ARHGAP15: variants seen among roughly 807,000 people sequenced by gnomAD.
ARHGAP15 encodes rho GTPase-activating protein 15.
A neutral mutation model predicts 63.7 loss-of-function variants in ARHGAP15; 51 were observed. The ratio of observed to expected loss-of-function variants is 0.80; its 90% CI spans 0.64 to 1.01. The LOEUF is 1.01. Ranked by LOEUF, ARHGAP15 falls within the 50% of genes least tolerant of loss-of-function variation. The pLI is 0.00. For synonymous variants in ARHGAP15, 191 were observed against 193.8 expected, an observed-to-expected ratio of 0.99 and a Z score of 0.12; for missense variants, 560 against 564.6, an observed-to-expected ratio of 0.99 and a Z score of 0.08.
intron 10 of ARHGAP15, among the ~76,000 whole-genome samples, chr2:143,527,290 T>C (rs1298197241): frequency 6.6e-6 from 1 of 152,072 alleles, no homozygotes; most frequent in Non-Finnish European, 1.5e-5. Context: ...ATTTAGAACT[T>C]TTTACCCATT....
chr2:143,272,136 G>A (rs1397255001), intron 6 of ARHGAP15, among the ~76,000 whole-genome samples: 2 of 152,180 alleles, frequency 1.3e-5, no homozygotes, highest in Non-Finnish European at 1.5e-5. Context: ...GGCAGGTGAA[G>A]AAGATGGGAT....
intron 12 of ARHGAP15, among the ~76,000 whole-genome samples, chr2:143,648,409 T>C (rs1401145675): frequency 2.6e-5 from 4 of 152,028 alleles, no homozygotes; most frequent in Admixed American, 2.6e-4. Flanking sequence ...TTTGAACATA[T>C]ATTATTTTTC....
At chr2:143,292,601 A>G (rs1362094444) in intron 6 of ARHGAP15, among the ~76,000 whole-genome samples, 1 of 152,048 alleles carries the variant, frequency 6.6e-6, no homozygotes, top group Non-Finnish European at 1.5e-5. Context: ...TAAATTTTTA[A>G]TAGAAAAGAC....
At chr2:143,276,281 G>T (rs573511808) in intron 6 of ARHGAP15, among the ~76,000 whole-genome samples, 1 of 152,114 alleles carries the variant, frequency 6.6e-6, no homozygotes, top group Non-Finnish European at 1.5e-5. Context: ...GATCTTTCAC[G>T]TGTATCATTT....
At chr2:143,677,702 T>C (rs1371997215) in intron 12 of ARHGAP15, among the ~76,000 whole-genome samples, 3 of 152,238 alleles carry the variant, frequency 2.0e-5, no homozygotes, top group Admixed American at 6.5e-5. Context: ...AGGAATTGAA[T>C]TCATTTGTGC....
intron 13 of ARHGAP15, among the ~76,000 whole-genome samples, chr2:143,765,142 T>C (rs925734099): frequency 2.0e-5 from 3 of 151,000 alleles, no homozygotes; most frequent in African/African-American, 7.3e-5. Flanking sequence ...TGTGTGTGTG[T>C]GTGTGGTAAA....
intron 6 of ARHGAP15, among the ~76,000 whole-genome samples, chr2:143,404,148 G>C (rs1422311411): frequency 1.3e-5 from 2 of 151,800 alleles, no homozygotes; most frequent in Non-Finnish European, 2.9e-5. Flanking sequence ...GCAAATTTTG[G>C]CATCAGTAGG....
chr2:143,274,192 C>T (rs370185955), intron 6 of ARHGAP15, among the ~76,000 whole-genome samples: 5 of 152,054 alleles, frequency 3.3e-5, no homozygotes, highest in Admixed American at 6.5e-5. Context: ...GGAAAAGTGG[C>T]AAATGTCTCT....
In ARHGAP15 at chr2:143,724,262, C is replaced by T. The variant is rs144511272; in HGVS notation, c.1244+20738C>T. On this transcript the variant is annotated intron_variant, in intron 13 of 13. Coordinates refer to ENST00000295095, the MANE Select transcript of ARHGAP15 (RefSeq NM_018460.4). ...TGCATCCTAGGTTTATGACTCTAAC[C>T]GTGTCACCTTGGATAACAGCTTCTC... is the stretch of plus-strand genomic sequence containing the variant. Among the ~76,000 whole-genome samples the T allele has an allele frequency of 4.6e-5, 7 of 152,252 alleles. No homozygotes were observed. The East Asian group carries it at 1.4e-3, about 29-fold the overall frequency.
chr2:143,162,399 C>T (rs1027686963), intron 2 of ARHGAP15: 2 of 152,006 alleles, frequency 1.3e-5, no homozygotes, highest in East Asian at 3.9e-4. Context: ...GAGACGAAGG[C>T]ACACTGTTCC....
intron 6 of ARHGAP15, among the ~76,000 whole-genome samples, chr2:143,302,654 G>T (rs1223349918): frequency 6.6e-6 from 1 of 151,916 alleles, no homozygotes; most frequent in Non-Finnish European, 1.5e-5. Flanking sequence ...ATTCTCCCAG[G>T]TAGTGAACTA....
At chr2:143,403,373 A>G (rs1305275709) in intron 6 of ARHGAP15, among the ~76,000 whole-genome samples, 1 of 151,856 alleles carries the variant, frequency 6.6e-6, no homozygotes, top group Non-Finnish European at 1.5e-5. Context: ...CACATGCCTC[A>G]CTTTCATGGG....
intron 12 of ARHGAP15, among the ~76,000 whole-genome samples, chr2:143,647,853 TA>T (rs1259974951): frequency 6.6e-6 from 1 of 152,060 alleles, no homozygotes; most frequent in Non-Finnish European, 1.5e-5. Context: ...GTGTGAGAAA[TA>T]AATTAACTTT....
chr2:143,367,253 A>G (rs1310336128), intron 6 of ARHGAP15, among the ~76,000 whole-genome samples: 1 of 151,858 alleles, frequency 6.6e-6, no homozygotes, highest in East Asian at 1.9e-4. Flanking sequence ...CATCACCTCT[A>G]CCTTTGCTGT....
chr2:143,703,536 G>A lies in ARHGAP15; in HGVS notation c.1244+12G>A. On this transcript the variant is annotated intron_variant, in intron 13 of 13. Transcript: ENST00000295095. ...GGACATCTAACTAAGTAAGTTGTAA[G>A]GATTTCTGGATGTGTCATTTTATAG... is the stretch of plus-strand genomic sequence containing the variant. 2 of 1,571,222 alleles carry A rather than the reference G, an allele frequency of 1.3e-6. No homozygotes were observed. The highest frequency in any genetic ancestry group is 1.2e-5 in the South Asian group (1 of 85,900).
intron 10 of ARHGAP15, among the ~76,000 whole-genome samples, chr2:143,535,919 T>G (rs1694734145): frequency 6.6e-6 from 1 of 152,222 alleles, no homozygotes; most frequent in South Asian, 2.1e-4. Context: ...ATAAAACGTC[T>G]TAGTTTTTTT....
chr2:143,474,971 G>T (rs1325720006), intron 8 of ARHGAP15, among the ~76,000 whole-genome samples: 1 of 152,188 alleles, frequency 6.6e-6, no homozygotes, highest in Non-Finnish European at 1.5e-5. Flanking sequence ...ATCCAAAAGG[G>T]TGGCTGGAAG....
chr2:143,436,979 G>A lies in ARHGAP15; in HGVS notation c.640G>A (p.Glu214Lys). 2 of 1,611,050 alleles carry A rather than the reference G, an allele frequency of 1.2e-6. No individual in the cohort carries two copies. The highest frequency in any genetic ancestry group is 1.7e-6 in the Non-Finnish European group (2 of 1,178,870). ...CAAAATCCAAAGATCCTCTAGCACTGAATTGCTAAGTCACTACGACAGTGA... is the reference window on the plus strand; with the variant it reads ...CAAAATCCAAAGATCCTCTAGCACTAAATTGCTAAGTCACTACGACAGTGA... ...LFKIQRSSST[E>K]LLSHYDSDIK... The change falls in exon 8 of 14, where the codon GAA (glutamate) becomes AAA (lysine). Residue 214 changes from glutamate (E) to lysine (K), a missense_variant. Physicochemically the swap from Glu to Lys is moderately conservative, Grantham distance 56. Transcript: ENST00000295095.
chr2:143,393,411 C>A (rs192411644), intron 6 of ARHGAP15, among the ~76,000 whole-genome samples: 1 of 152,136 alleles, frequency 6.6e-6, no homozygotes, highest in African/African-American at 2.4e-5. Flanking sequence ...TACAAGAAAT[C>A]TTATGTTATT....
Sources: allele counts gnomAD v4.1 joint callset (sites outside exome capture counted in the v4.1 genomes callset), GRCh38; gene constraint gnomAD v4.1.1; transcripts MANE v1.5; gene names NCBI Gene and HGNC (gene_info 2026-07-23, HGNC 2026-07-21).